SUMF1: variants seen among roughly 807,000 people sequenced by gnomAD.
SUMF1 encodes formylglycine-generating enzyme.
SUMF1 carries 48 observed loss-of-function variants against 47.6 expected under a neutral mutation model. That is an observed-to-expected ratio of 1.01 (90% confidence interval 0.80 to 1.28). The LOEUF (loss-of-function observed/expected upper bound fraction) is 1.28, where lower values mean the gene tolerates loss of function less well. SUMF1 is among the 50% of genes most tolerant of loss of function. The pLI is 0.00. For missense variants in SUMF1, 571 were observed against 485.4 expected (o/e 1.18, Z -1.66); for synonymous variants, 230 against 192.1 (o/e 1.20, Z -1.63).
In SUMF1 at chr3:4,417,995, A is replaced by G. The variant is rs971820776; in HGVS notation, c.725+15T>C. On this transcript the variant is annotated intron_variant, in intron 5 of 8. Coordinates refer to ENST00000272902, the MANE Select transcript of SUMF1 (RefSeq NM_182760.4). ...GACCAACATATTGTCAGGCAAAATG[A>G]GATCCTCTAAATACCTATTATGCAG... 1.2e-6 allele frequency: 2 copies of G among 1,613,732 alleles called. No individual in the cohort carries two copies. The highest frequency in any genetic ancestry group is 2.7e-5 in the African/African-American group (2 of 74,942).
chr3:4,358,762 A>G (rs1699677969), downstream of SUMF1, among the ~76,000 whole-genome samples: 1 of 152,214 alleles, frequency 6.6e-6, no homozygotes, highest in African/African-American at 2.4e-5. Context: ...TGCCCACCTT[A>G]AAGTCGACTG....
At chr3:4,366,049 C>T (rs1213089473) in intron 8 of SUMF1, among the ~76,000 whole-genome samples, 2 of 151,892 alleles carry the variant, frequency 1.3e-5, no homozygotes, top group East Asian at 1.9e-4. Flanking sequence ...TTGGCCCCCA[C>T]TCTCTTCTGG....
intron 8 of SUMF1, among the ~76,000 whole-genome samples, chr3:4,124,198 A>T (rs921885839): frequency 5.9e-5 from 9 of 152,174 alleles, no homozygotes; most frequent in African/African-American, 2.2e-4. Context: ...ACTTGGGGAG[A>T]CAGAATAAAC....
intron 8 of SUMF1, among the ~76,000 whole-genome samples, chr3:4,155,773 C>A (rs1474146272): frequency 6.6e-6 from 1 of 151,284 alleles, no homozygotes; most frequent in Non-Finnish European, 1.5e-5. Flanking sequence ...ATCCCTGAAC[C>A]TCTTCTTCTT....
Position 4,200,760 on chromosome 3 carries a change from T to C in SUMF1, c.1015-132015A>G, listed in dbSNP as rs181783825. ...CATACTATCCATACAGGATTCTGTC[T>C]CTCTGGAGAACCCTGACTAATGCAG... is the stretch of plus-strand genomic sequence containing the variant. On this transcript the variant is annotated intron_variant and NMD_transcript_variant, in intron 8 of 12. Transcript: ENST00000448413. Among the ~76,000 whole-genome samples, 7 of 152,238 alleles carry C rather than the reference T, an allele frequency of 4.6e-5. No individual in the cohort carries two copies. In the East Asian group the frequency reaches 1.4e-3, roughly 29 times the overall value.
chr3:4,135,186 A>T (rs1321783867), intron 8 of SUMF1, among the ~76,000 whole-genome samples: 1 of 152,138 alleles, frequency 6.6e-6, no homozygotes, highest in East Asian at 1.9e-4. Flanking sequence ...GAAAATTTAG[A>T]CCAATATCCT....
chr3:4,359,264 G>C (rs1699689270), downstream of SUMF1, among the ~76,000 whole-genome samples: 1 of 152,124 alleles, frequency 6.6e-6, no homozygotes, highest in African/African-American at 2.4e-5. Context: ...TAAACGGCTT[G>C]TTAGGATGTC....
In SUMF1 at chr3:4,178,705, AG is replaced by A. The variant is rs1222514668; in HGVS notation, c.1015-109961del. ...GTTCTGGCCAGGGCAATCAGGCAAG[AG>A]AAAGAAATAAAGGGTATTCAATTAG... On this transcript the variant is annotated intron_variant and NMD_transcript_variant, in intron 8 of 12. Coordinates refer to the SUMF1 transcript ENST00000448413. Among the ~76,000 whole-genome samples, 14 of 152,322 alleles carry A rather than the reference AG, an allele frequency of 9.2e-5. No individual in the cohort carries two copies. In the East Asian group the frequency reaches 2.7e-3, roughly 29 times the overall value.
intron 3 of SUMF1, among the ~76,000 whole-genome samples, chr3:4,436,881 C>CA (rs11410677): frequency 0.25 from 36,444 of 144,032 alleles, 5,221 homozygotes; most frequent in Non-Finnish European, 0.33. Flanking sequence ...AAACAAAAAA[C>CA]AAAAAAAACC....
chr3:4,425,074 G>C (rs971908616), intron 3 of SUMF1, among the ~76,000 whole-genome samples: 1 of 152,074 alleles, frequency 6.6e-6, no homozygotes, highest in African/African-American at 2.4e-5. Context: ...CCTCTGAGGA[G>C]AGCAAATTAT....
At chr3:4,262,781 G>C (rs13063791) in intron 8 of SUMF1, among the ~76,000 whole-genome samples, 72,602 of 152,064 alleles carry the variant, frequency 0.48, 17,958 homozygotes, top group African/African-American at 0.57. Context: ...AACTGTCCAT[G>C]AGGCCATGAG....
intron 7 of SUMF1, among the ~76,000 whole-genome samples, chr3:4,384,951 G>A (rs1463718843): frequency 6.6e-6 from 1 of 151,472 alleles, no homozygotes; most frequent in Non-Finnish European, 1.5e-5. Flanking sequence ...AGTGGAGTAA[G>A]CTTGGGTCAT....
chr3:4,169,754 C>A (rs139691565), intron 8 of SUMF1, among the ~76,000 whole-genome samples: 92 of 152,246 alleles, frequency 6.0e-4, no homozygotes, highest in Middle Eastern at 3.4e-3. Context: ...GTGCAAACGG[C>A]ATGCTCAAGA....
intron 8 of SUMF1, among the ~76,000 whole-genome samples, chr3:4,278,582 T>G (rs897457656): frequency 2.6e-5 from 4 of 152,146 alleles, no homozygotes; most frequent in African/African-American, 9.7e-5. Context: ...TCTATGAGAC[T>G]GGTTTCTCTA....
chr3:4,442,651 A>AAAAAAAAAAAAAAG (rs1416742068), intron 3 of SUMF1, among the ~76,000 whole-genome samples: 1 of 33,924 alleles, frequency 2.9e-5, no homozygotes, highest in East Asian at 6.0e-4. Context: ...AAAAAAAAAA[A>AAAAAAAAAAAAAAG]AGAGAGAGAA....
At chr3:4,074,505 G>T (rs1301479087) in intron 8 of SUMF1, among the ~76,000 whole-genome samples, 1 of 151,944 alleles carries the variant, frequency 6.6e-6, no homozygotes, top group Non-Finnish European at 1.5e-5. Flanking sequence ...AGGACTAAAG[G>T]AGAAAGAGAC....
intron 1 of SUMF1, among the ~76,000 whole-genome samples, chr3:4,453,825 C>T (rs564650718): frequency 3.9e-5 from 6 of 152,024 alleles, no homozygotes; most frequent in African/African-American, 7.2e-5. Context: ...TGAGCCACTG[C>T]GCCCGGCCAA....
intron 3 of SUMF1, among the ~76,000 whole-genome samples, chr3:4,420,610 A>C (rs1290068200): frequency 6.6e-6 from 1 of 151,960 alleles, no homozygotes; most frequent in Non-Finnish European, 1.5e-5. Context: ...GTTAGCCAGG[A>C]TGGTCTCGAT....
intron 8 of SUMF1, among the ~76,000 whole-genome samples, chr3:4,103,208 C>A (rs1693077078): frequency 6.6e-6 from 1 of 151,164 alleles, no homozygotes; most frequent in Admixed American, 6.6e-5. Flanking sequence ...TAGGCATGAG[C>A]CACTGTGCCC....
Sources: gnomAD v4.1 joint callset for allele counts (sites outside exome capture counted in the v4.1 genomes callset) on GRCh38, gnomAD v4.1.1 for gene constraint, MANE v1.5 for transcripts, NCBI Gene and HGNC (gene_info 2026-07-23, HGNC 2026-07-21) for gene names.